Variants in RNF220 observed in about 807,000 individuals in gnomAD.
The protein encoded by RNF220 is E3 ubiquitin-protein ligase RNF220.
RNF220 carries 7 observed loss-of-function variants against 67.1 expected under a neutral mutation model. The ratio of observed to expected loss-of-function variants is 0.10; its 90% CI spans 0.06 to 0.20. The LOEUF is 0.20. RNF220 is among the 10% of genes least tolerant of loss of function. RNF220 has a pLI of 1.00. For synonymous variants in RNF220, 270 were observed against 283.2 expected, an observed-to-expected ratio of 0.95 and a Z score of 0.47; for missense variants, 565 against 740.3, an observed-to-expected ratio of 0.76 and a Z score of 2.75.
intron 2 of RNF220, among the ~76,000 whole-genome samples, chr1:44,421,540 G>A (rs931844337): frequency 4.6e-5 from 7 of 151,228 alleles, no homozygotes; most frequent in African/African-American, 1.7e-4. Flanking sequence ...AGCTTAGGAC[G>A]GGGCTTGAAG....
chr1:44,438,730 A>G (rs970398823), intron 2 of RNF220, among the ~76,000 whole-genome samples: 11 of 152,200 alleles, frequency 7.2e-5, no homozygotes, highest in African/African-American at 1.9e-4. Flanking sequence ...ATCTGCCATG[A>G]TTTTTAGAGG....
In RNF220 at chr1:44,555,506, G is replaced by A. The variant is rs534676887; in HGVS notation, c.626-58659G>A. ...TTTAAGTTTTTTGAGATGGAGTCTC[G>A]CTCTGTCACCCAGGCTGGAGTGCAG... On this transcript the variant is annotated intron_variant, in intron 2 of 14. Transcript: ENST00000361799. 6.6e-5 allele frequency among the ~76,000 whole-genome samples: 10 copies of A among 151,330 alleles called. No homozygotes were observed. In the East Asian group the frequency reaches 1.6e-3, roughly 24 times the overall value.
At chr1:44,632,000 C>T (rs1013781806) in intron 5 of RNF220, 1 of 1,017,020 alleles carries the variant, frequency 9.8e-7, no homozygotes, top group African/African-American at 1.7e-5. Context: ...CCGCTTGGAG[C>T]TGAAGTGCCG....
intron 2 of RNF220, among the ~76,000 whole-genome samples, chr1:44,418,492 C>T (rs1476749401): frequency 1.3e-5 from 2 of 152,162 alleles, no homozygotes; most frequent in Non-Finnish European, 2.9e-5. Context: ...CAAGGCGAGT[C>T]GCGGTGGCCT....
intron 2 of RNF220, among the ~76,000 whole-genome samples, chr1:44,597,809 C>T (rs116662123): frequency 0.015 from 2,306 of 152,196 alleles, 66 homozygotes; most frequent in African/African-American, 0.052. Context: ...ACCTCTTTCT[C>T]TCATGTACAC....
chr1:44,419,768 G>A (rs1188886453), intron 2 of RNF220: 1 of 152,200 alleles, frequency 6.6e-6, no homozygotes, highest in Non-Finnish European at 1.5e-5. Flanking sequence ...GATGAAGGTA[G>A]GGAGGGAGTT....
chr1:44,431,990 A>G (rs1650430153), intron 2 of RNF220, among the ~76,000 whole-genome samples: 1 of 152,210 alleles, frequency 6.6e-6, no homozygotes, highest in Non-Finnish European at 1.5e-5. Flanking sequence ...CCTGGCACCC[A>G]GCTTGAAAAG....
intron 2 of RNF220, among the ~76,000 whole-genome samples, chr1:44,574,577 A>G (rs1255790849): frequency 6.6e-6 from 1 of 152,198 alleles, no homozygotes; most frequent in Non-Finnish European, 1.5e-5. Context: ...CCAAGAGCCT[A>G]AAGCCTGGCC....
intron 2 of RNF220, among the ~76,000 whole-genome samples, chr1:44,612,053 T>C (rs956147825): frequency 6.6e-6 from 1 of 152,218 alleles, no homozygotes; most frequent in Admixed American, 6.5e-5. Flanking sequence ...CATCTGCTGC[T>C]GTTACTCAGA....
chr1:44,405,388 T>TGCTGCTGCTGCTGCC lies in RNF220; in HGVS notation c.-252_-251insTGCTGCCGCTGCTGC, dbSNP rs1553208927. ...GGGGCCAGCCGCCTACTGCTGCTGCTGCTGCTGCCGCTGCCGCCGCCGCCG... is the reference window on the plus strand; with the variant it reads ...GGGGCCAGCCGCCTACTGCTGCTGCTGCTGCTGCTGCTGCCGCTGCTGCCGCTGCCGCCGCCGCCG... On this transcript the variant is annotated 5_prime_UTR_variant, in exon 1 of 15. Coordinates refer to ENST00000361799, the MANE Select transcript of RNF220 (RefSeq NM_018150.4). 10 of 629,166 alleles carry TGCTGCTGCTGCTGCC rather than the reference T, an allele frequency of 1.6e-5. No homozygotes were observed. Among genetic ancestry groups the TGCTGCTGCTGCTGCC allele is most frequent in the South Asian group, 6.7e-5 (4 of 59,508 alleles). 39.0% of individuals were successfully genotyped at this position (629,166 alleles called of 1,614,324 possible).
intron 2 of RNF220, among the ~76,000 whole-genome samples, chr1:44,466,526 A>G (rs1236904148): frequency 2.0e-5 from 3 of 152,234 alleles, no homozygotes; most frequent in African/African-American, 4.8e-5. Context: ...AGGAATCACT[A>G]TTTATAGCAG....
chr1:44,413,805 T>C (rs921972304), intron 2 of RNF220, among the ~76,000 whole-genome samples: 3 of 151,606 alleles, frequency 2.0e-5, no homozygotes, highest in African/African-American at 7.2e-5. Context: ...TTTTTTTCCC[T>C]CCTCTTTATG....
intron 2 of RNF220, among the ~76,000 whole-genome samples, chr1:44,592,179 CA>C (rs1666163517): frequency 6.6e-6 from 1 of 152,234 alleles, no homozygotes; most frequent in African/African-American, 2.4e-5. Context: ...TGCCTCAAGC[CA>C]ACCCAGCCTC....
At chr1:44,472,933 GCACT>G (rs975442749) in intron 2 of RNF220, among the ~76,000 whole-genome samples, 3 of 152,202 alleles carry the variant, frequency 2.0e-5, no homozygotes, top group Non-Finnish European at 4.4e-5. Context: ...CTTCTCGGCA[GCACT>G]CACTTTGCCC....
chr1:44,602,914 G>A (rs1203664445), intron 2 of RNF220, among the ~76,000 whole-genome samples: 4 of 151,998 alleles, frequency 2.6e-5, no homozygotes, highest in Admixed American at 2.6e-4. Context: ...GTGATTGATT[G>A]GAGGAACAGC....
At position 44,600,821 on chromosome 1, in the gene RNF220, C is replaced by CAA. The variant is rs398049243; in HGVS notation, c.626-13332_626-13331dup. Among the ~76,000 whole-genome samples the CAA allele has an allele frequency of 3.6e-4, 50 of 140,226 alleles. No individual in the cohort carries two copies. Among genetic ancestry groups the CAA allele is most frequent in the African/African-American group, 1.0e-3 (40 of 38,306 alleles). The allele number at this position is 140,226 out of a possible 152,430, so 92.0% of individuals were successfully genotyped here. A position where few individuals can be genotyped will look rare whatever the true frequency, so the allele number is the denominator to read the frequency against. ...GGGCAACAAGAGCAAGACTCTGTCT[C>CAA]AAAAAAAAAAAAAGTACAGTGCTTG... is the stretch of plus-strand genomic sequence containing the variant. On this transcript the variant is annotated intron_variant, in intron 2 of 14. Transcript: ENST00000361799. The surrounding 1 kb of genome is among the most constrained non-coding windows in gnomAD (Gnocchi z 4.0).
chr1:44,641,558 C>A (rs1224409217), intron 8 of RNF220, among the ~76,000 whole-genome samples: 1 of 152,204 alleles, frequency 6.6e-6, no homozygotes, highest in African/African-American at 2.4e-5. Context: ...GACTGTGGAG[C>A]CTTCCTCTCC....
At position 44,645,321 on chromosome 1, in the gene RNF220, C is replaced by T. The variant is rs1014959606; in HGVS notation, c.1366+45C>T. ...AGGAGTAATGGGGGAGAGGGGGTAT[C>T]CCTAGATGGTGGTGACTGACTCAAG... On this transcript the variant is annotated intron_variant, in intron 11 of 14. Transcript: ENST00000361799. The surrounding 1 kb of genome is among the most constrained non-coding windows in gnomAD (Gnocchi z 5.0). The T allele has an allele frequency of 6.2e-7, 1 of 1,613,224 alleles. No homozygotes were observed. The highest frequency in any genetic ancestry group is 1.3e-5 in the African/African-American group (1 of 74,832).
intron 2 of RNF220, among the ~76,000 whole-genome samples, chr1:44,568,380 T>A (rs535184778): frequency 1.3e-5 from 2 of 152,340 alleles, no homozygotes; most frequent in East Asian, 3.9e-4. Context: ...TGTGCACCGA[T>A]GCTTGTCTTT....
Sources: allele counts gnomAD v4.1 joint callset (sites outside exome capture counted in the v4.1 genomes callset), GRCh38; gene constraint gnomAD v4.1.1; non-coding constraint Gnocchi (gnomAD v3.1); transcripts MANE v1.5; gene names NCBI Gene and HGNC (gene_info 2026-07-23, HGNC 2026-07-21).